NOS1AP: variants seen among roughly 807,000 people sequenced by gnomAD.
NOS1AP encodes the protein nitric oxide synthase 1 adaptor protein, also known as carboxyl-terminal PDZ ligand of neuronal nitric oxide synthase protein.
Under a neutral mutation model 56.2 loss-of-function variants are expected in NOS1AP, and 21 were observed. That is an observed-to-expected ratio of 0.37 (90% CI 0.26 to 0.54). The LOEUF (loss-of-function observed/expected upper bound fraction) is 0.54. Among genes scored for constraint, NOS1AP ranks in the 20% least tolerant of loss-of-function variants. NOS1AP has a pLI of 0.84. For synonymous variants in NOS1AP, 270 were observed against 274.6 expected, an observed-to-expected ratio of 0.98 and a Z score of 0.17; for missense variants, 522 against 657.8, an observed-to-expected ratio of 0.79 and a Z score of 2.26.
intron 1 of NOS1AP, among the ~76,000 whole-genome samples, chr1:162,117,644 A>C (rs1449443915): frequency 6.6e-6 from 1 of 152,170 alleles, no homozygotes; most frequent in Non-Finnish European, 1.5e-5. Flanking sequence ...CAAATGTATC[A>C]TTGTGCTCCC....
chr1:162,194,992 G>C (rs1007354962), intron 2 of NOS1AP, among the ~76,000 whole-genome samples: 1 of 152,054 alleles, frequency 6.6e-6, no homozygotes, highest in African/African-American at 2.4e-5. Context: ...AGGTTTGTCT[G>C]GACTAGGATT....
intron 8 of NOS1AP, among the ~76,000 whole-genome samples, chr1:162,361,746 T>C (rs909286336): frequency 4.6e-5 from 7 of 152,262 alleles, no homozygotes; most frequent in African/African-American, 1.7e-4. Context: ...GGATCTGCGA[T>C]GGGAAGCATT....
chr1:162,166,312 G>A (rs1650493983), intron 2 of NOS1AP, among the ~76,000 whole-genome samples: 1 of 152,234 alleles, frequency 6.6e-6, no homozygotes, highest in Non-Finnish European at 1.5e-5. Flanking sequence ...GCTTGAGTCT[G>A]AACTCAGAGC....
intron 1 of NOS1AP, among the ~76,000 whole-genome samples, chr1:162,093,081 G>A (rs1402787000): frequency 6.6e-6 from 1 of 152,090 alleles, no homozygotes; most frequent in Non-Finnish European, 1.5e-5. Context: ...GCTAAATGTT[G>A]TAACATCCCT....
chr1:162,267,006 T>C (rs1209966753), intron 2 of NOS1AP, among the ~76,000 whole-genome samples: 1 of 152,186 alleles, frequency 6.6e-6, no homozygotes, highest in Non-Finnish European at 1.5e-5. Context: ...AACATTAATA[T>C]AATGGAGGTG....
intron 2 of NOS1AP, among the ~76,000 whole-genome samples, chr1:162,245,443 G>A (rs918680156): frequency 6.6e-6 from 1 of 152,302 alleles, no homozygotes. Flanking sequence ...ATGCAAAATG[G>A]TACAGCCAGT....
At chr1:162,316,507 C>T (rs982843388) in intron 4 of NOS1AP, among the ~76,000 whole-genome samples, 7 of 152,316 alleles carry the variant, frequency 4.6e-5, no homozygotes, top group South Asian at 4.2e-4. Flanking sequence ...TATCTTTTCT[C>T]GTGGATTATC....
intron 2 of NOS1AP, among the ~76,000 whole-genome samples, chr1:162,187,104 C>A (rs934286635): frequency 1.3e-5 from 2 of 152,012 alleles, no homozygotes; most frequent in African/African-American, 2.4e-5. Flanking sequence ...GTAGCTGGGA[C>A]TATAGGCCGC....
chr1:162,345,905 A>C (rs908607970), intron 6 of NOS1AP, among the ~76,000 whole-genome samples: 1 of 152,240 alleles, frequency 6.6e-6, no homozygotes, highest in Non-Finnish European at 1.5e-5. Flanking sequence ...AAATATGTGA[A>C]AATTTAAAAA....
intron 2 of NOS1AP, among the ~76,000 whole-genome samples, chr1:162,253,927 A>G (rs1040680700): frequency 3.3e-5 from 5 of 152,234 alleles, no homozygotes; most frequent in African/African-American, 1.2e-4. Context: ...GATGATTACT[A>G]TCTTGAGGAG....
At chr1:162,191,681 G>T (rs1161739980) in intron 2 of NOS1AP, among the ~76,000 whole-genome samples, 1 of 151,982 alleles carries the variant, frequency 6.6e-6, no homozygotes. Context: ...CTCCCCCATT[G>T]ATAAGGCCTG....
chr1:162,215,006 A>G (rs1652511359), intron 2 of NOS1AP, among the ~76,000 whole-genome samples: 1 of 152,228 alleles, frequency 6.6e-6, no homozygotes, highest in Non-Finnish European at 1.5e-5. Context: ...ACCTTCAATA[A>G]CAGAAAACAA....
rs139112166 is a variant in NOS1AP at position 162,244,127 on chromosome 1, A to G, written c.178-43217A>G. On this transcript the variant is annotated intron_variant, in intron 2 of 9. Transcript: ENST00000361897. ...TGAAACTCAAATTTTACATGTTTAT[A>G]TCCCTGAAGTTGAGTGAGTAGGCAT... is the stretch of plus-strand genomic sequence containing the variant. Among the ~76,000 whole-genome samples the G allele has an allele frequency of 3.3e-5, 5 of 152,290 alleles. No homozygotes were observed. In the East Asian group the frequency reaches 5.8e-4, roughly 18 times the overall value.
intron 2 of NOS1AP, among the ~76,000 whole-genome samples, chr1:162,235,958 A>C (rs1653276326): frequency 6.6e-6 from 1 of 152,236 alleles, no homozygotes; most frequent in Non-Finnish European, 1.5e-5. Context: ...GGAGATGAGA[A>C]ACTGAGGCCA....
chr1:162,172,577 G>A (rs774335803), intron 2 of NOS1AP, among the ~76,000 whole-genome samples: 2 of 152,082 alleles, frequency 1.3e-5, no homozygotes, highest in Non-Finnish European at 2.9e-5. Flanking sequence ...TGAGGCGGGT[G>A]GTTTAAGTGG....
chr1:162,363,486 A>G (rs1350456108), intron 8 of NOS1AP: 2 of 152,570 alleles, frequency 1.3e-5, no homozygotes, highest in East Asian at 3.9e-4. Flanking sequence ...AGGCTTTATT[A>G]TGTAGGCATG....
chr1:162,102,661 TG>T (rs1647332860), intron 1 of NOS1AP, among the ~76,000 whole-genome samples: 1 of 152,184 alleles, frequency 6.6e-6, no homozygotes, highest in Admixed American at 6.5e-5. Flanking sequence ...GGTTCAGTCT[TG>T]GGAGGATATA....
chr1:162,085,016 T>A (rs1328508532), intron 1 of NOS1AP, among the ~76,000 whole-genome samples: 1 of 152,064 alleles, frequency 6.6e-6, no homozygotes, highest in Non-Finnish European at 1.5e-5. Flanking sequence ...TGTTGAAAAA[T>A]TTTTATTGTC....
chr1:162,211,148 A>T (rs6664632), intron 2 of NOS1AP, among the ~76,000 whole-genome samples: 3 of 152,132 alleles, frequency 2.0e-5, no homozygotes, highest in Non-Finnish European at 2.9e-5. Context: ...GAGAGCCAGC[A>T]GGCTTCTTGG....
Sources: allele counts gnomAD v4.1 joint callset (sites outside exome capture counted in the v4.1 genomes callset), GRCh38; gene constraint gnomAD v4.1.1; transcripts MANE v1.5; gene names NCBI Gene and HGNC (gene_info 2026-07-23, HGNC 2026-07-21).